Variants in SAMD5 observed in about 807,000 individuals in gnomAD.
SAMD5 encodes the protein sterile alpha motif domain-containing protein 5.
A neutral mutation model predicts 11.3 loss-of-function variants in SAMD5; 13 were observed. The ratio of observed to expected loss-of-function variants is 1.15; its 90% CI spans 0.75 to 1.83. The LOEUF (loss-of-function observed/expected upper bound fraction) is 1.83, where lower values mean the gene tolerates loss of function less well. SAMD5 is among the 40% of genes most tolerant of loss of function. The probability of loss-of-function intolerance (pLI) is 0.00; values close to 1 mark genes in which losing one functional copy is unlikely to be tolerated. For synonymous variants in SAMD5, 129 were observed against 111.3 expected (o/e 1.16, Z -1.00); for missense variants, 255 against 239.1 (o/e 1.07, Z -0.44).
intron 1 of SAMD5, among the ~76,000 whole-genome samples, chr6:147,649,082 C>T (rs1006180416): frequency 6.6e-6 from 1 of 152,176 alleles, no homozygotes. Context: ...TTTCCATATG[C>T]CGTTACTGTT....
chr6:147,727,683 A>C (rs1361215773), intron 1 of SAMD5, among the ~76,000 whole-genome samples: 1 of 150,292 alleles, frequency 6.7e-6, no homozygotes, highest in African/African-American at 2.5e-5. Flanking sequence ...TTTTTTCCCC[A>C]GATTGGTCTG....
At chr6:147,662,198 G>A (rs1450515105) in intron 1 of SAMD5, among the ~76,000 whole-genome samples, 1 of 152,302 alleles carries the variant, frequency 6.6e-6, no homozygotes, top group South Asian at 2.1e-4. Context: ...GATGAAAGGA[G>A]TATAGTATTT....
At chr6:147,802,537 C>T in the SAMD5 span, among the ~76,000 whole-genome samples, 1 of 152,046 alleles carries the variant, frequency 6.6e-6, no homozygotes, top group South Asian at 2.1e-4. Flanking sequence ...TAGCCTATGA[C>T]TCAGCAGTTC....
At chr6:147,666,017 C>T (rs1790713338) in intron 1 of SAMD5, among the ~76,000 whole-genome samples, 1 of 152,218 alleles carries the variant, frequency 6.6e-6, no homozygotes, top group Admixed American at 6.5e-5. Context: ...CGGCTCACTG[C>T]AACCTCCGCC....
At chr6:147,828,114 G>T in the SAMD5 span, among the ~76,000 whole-genome samples, 1 of 152,068 alleles carries the variant, frequency 6.6e-6, no homozygotes, top group Non-Finnish European at 1.5e-5. Context: ...CCCTGTCTTT[G>T]CTAACCTTAC....
chr6:147,842,600 G>A, the SAMD5 span, among the ~76,000 whole-genome samples: 7 of 151,966 alleles, frequency 4.6e-5, no homozygotes, highest in African/African-American at 1.7e-4. Flanking sequence ...TAGAAGACCT[G>A]GCATGCTTGA....
chr6:147,814,819 G>A, the SAMD5 span, among the ~76,000 whole-genome samples: 1 of 152,116 alleles, frequency 6.6e-6, no homozygotes, highest in Non-Finnish European at 1.5e-5. Context: ...AAATATCAGT[G>A]TTTAGTAGTA....
chr6:147,916,417 G>T, the SAMD5 span, among the ~76,000 whole-genome samples: 1 of 152,068 alleles, frequency 6.6e-6, no homozygotes, highest in African/African-American at 2.4e-5. Flanking sequence ...AGCACCTGTT[G>T]TTTCCTGACT....
chr6:147,567,215 A>C lies in SAMD5; in HGVS notation c.*2759A>C. 1.2e-5 allele frequency: 12 copies of C among 985,412 alleles called. No homozygotes were observed. The highest frequency in any genetic ancestry group is 1.4e-5 in the Non-Finnish European group (12 of 829,894). 61.0% of individuals were successfully genotyped at this position (985,412 alleles called of 1,614,324 possible). A position where few individuals can be genotyped will look rare whatever the true frequency, so the allele number is the denominator to read the frequency against. ...ATGTTAAGGGCTTCTTCCTTACCCA[A>C]GTGGGAGCTGAACCAGTAATTGTGG... is the stretch of plus-strand genomic sequence containing the variant. On this transcript the variant is annotated 3_prime_UTR_variant, in exon 2 of 2. Transcript: ENST00000367474.
intron 1 of SAMD5, among the ~76,000 whole-genome samples, chr6:147,619,083 A>G (rs1321827670): frequency 1.3e-5 from 2 of 152,156 alleles, no homozygotes; most frequent in Non-Finnish European, 2.9e-5. Context: ...GAGCCGCAGC[A>G]CCCGGCCTTT....
At chr6:147,823,690 G>A in the SAMD5 span, among the ~76,000 whole-genome samples, 1 of 152,132 alleles carries the variant, frequency 6.6e-6, no homozygotes, top group Non-Finnish European at 1.5e-5. Context: ...GAACTGAACG[G>A]GAGGCTAAGG....
the SAMD5 span, among the ~76,000 whole-genome samples, chr6:147,853,820 A>G: frequency 0.15 from 22,422 of 152,130 alleles, 1,867 homozygotes; most frequent in East Asian, 0.34. Flanking sequence ...TTTAAGTTGA[A>G]TAAGTAATAT....
At chr6:147,773,744 G>T in the SAMD5 span, among the ~76,000 whole-genome samples, 1 of 152,026 alleles carries the variant, frequency 6.6e-6, no homozygotes, top group Non-Finnish European at 1.5e-5. Context: ...ATCATATGGG[G>T]GAATAGATGT....
At position 147,566,564 on chromosome 6, in the gene SAMD5, G is replaced by T. The variant is rs1400714774; in HGVS notation, c.*2108G>T. ...GGCAATCTACTGCAATGGAAAAAGG[G>T]TTCCTTGGTCATTTCAAGTTTTATT... On this transcript the variant is annotated 3_prime_UTR_variant, in exon 2 of 2. Transcript: ENST00000367474. 2 of 983,404 alleles carry T rather than the reference G, an allele frequency of 2.0e-6. No homozygotes were observed. Among genetic ancestry groups the T allele is most frequent in the Admixed American group, 1.2e-4 (2 of 16,250 alleles). The allele number at this position is 983,404 out of a possible 1,614,324, so 60.9% of individuals were successfully genotyped here.
At chr6:147,608,285 C>T (rs938707700) in intron 1 of SAMD5, among the ~76,000 whole-genome samples, 2 of 152,132 alleles carry the variant, frequency 1.3e-5, no homozygotes, top group Non-Finnish European at 2.9e-5. Flanking sequence ...TCCTTCCCTG[C>T]TGTGTATATA....
intron 1 of SAMD5, among the ~76,000 whole-genome samples, chr6:147,528,836 T>A (rs1228746218): frequency 2.0e-5 from 3 of 152,186 alleles, no homozygotes; most frequent in Admixed American, 2.0e-4. Context: ...AAGATGAACA[T>A]AAATCCACTG....
chr6:147,551,804 T>G (rs1385450534), intron 1 of SAMD5, among the ~76,000 whole-genome samples: 2 of 106,664 alleles, frequency 1.9e-5, no homozygotes, highest in Non-Finnish European at 3.5e-5. Context: ...GTGATTCTTA[T>G]ATATATGTTA....
the SAMD5 span, among the ~76,000 whole-genome samples, chr6:147,847,112 C>T: frequency 1.3e-5 from 2 of 152,292 alleles, no homozygotes; most frequent in African/African-American, 4.8e-5. Context: ...GACTTGCCCA[C>T]TGAGGTTCAA....
the SAMD5 span, among the ~76,000 whole-genome samples, chr6:147,916,172 T>C: frequency 6.6e-6 from 1 of 152,120 alleles, no homozygotes; most frequent in East Asian, 1.9e-4. Flanking sequence ...TTTGGGTTGG[T>C]TCCAAGTCTT....
Sources: allele counts gnomAD v4.1 joint callset (sites outside exome capture counted in the v4.1 genomes callset), GRCh38; gene constraint gnomAD v4.1.1; transcripts MANE v1.5; gene names NCBI Gene and HGNC (gene_info 2026-07-23, HGNC 2026-07-21).